The following SCUBE1 variants were observed in gnomAD, a reference collection of about 807,000 sequenced individuals.
The protein encoded by SCUBE1 is signal peptide, CUB and EGF-like domain-containing protein 1.
Under a neutral mutation model 124.4 loss-of-function variants are expected in SCUBE1, and 59 were observed. That is an observed-to-expected ratio of 0.47 (90% confidence interval 0.38 to 0.59). SCUBE1 has a LOEUF of 0.59. Ranked by LOEUF, SCUBE1 falls within the 20% of genes least tolerant of loss-of-function variation. SCUBE1 has a pLI of 0.00. For missense variants in SCUBE1, 1,150 were observed against 1,371.2 expected (o/e 0.84, Z 2.55); for synonymous variants, 545 against 550.9 (o/e 0.99, Z 0.15).
chr22:43,230,530 G>T (rs1431579758), intron 8 of SCUBE1, among the ~76,000 whole-genome samples: 1 of 152,208 alleles, frequency 6.6e-6, no homozygotes, highest in African/African-American at 2.4e-5. Flanking sequence ...CCTCTTTCAG[G>T]GGGCAGCTGG....
rs1305637153 is a variant in SCUBE1, at chr22:43,258,953, G to A, written c.611-618C>T. Among the ~76,000 whole-genome samples the A allele has an allele frequency of 1.3e-5, 2 of 152,186 alleles. No homozygotes were observed. The highest frequency in any genetic ancestry group is 2.9e-5 in the Non-Finnish European group (2 of 68,026). On this transcript the variant is annotated intron_variant, in intron 5 of 21. Transcript: ENST00000360835. This position sits in a 1 kb window ranked among gnomAD's most constrained non-coding sequence, Gnocchi z 5.0. ...AGACTCATGCAAGTTAATGTCATCTGAGGTACGGTTTTGAAAATCACCTAA... is the reference window on the plus strand; with the variant it reads ...AGACTCATGCAAGTTAATGTCATCTAAGGTACGGTTTTGAAAATCACCTAA...
intron 2 of SCUBE1, among the ~76,000 whole-genome samples, chr22:43,321,100 T>C (rs543882617): frequency 1.3e-5 from 2 of 152,260 alleles, no homozygotes; most frequent in East Asian, 1.9e-4. Flanking sequence ...ACAGGGGAAC[T>C]GGAACCGGAA....
chr22:43,296,934 C>T (rs1925583754), intron 3 of SCUBE1, among the ~76,000 whole-genome samples: 1 of 152,218 alleles, frequency 6.6e-6, no homozygotes, highest in South Asian at 2.1e-4. Context: ...TTGAAGGCTG[C>T]TCCCCGTGAG....
chr22:43,257,145 G>GA, intron 6 of SCUBE1, among the ~76,000 whole-genome samples: 1 of 152,388 alleles, frequency 6.6e-6, no homozygotes. Flanking sequence ...GTGACAGCCT[G>GA]GTGCCCGCTC....
intron 1 of SCUBE1, among the ~76,000 whole-genome samples, chr22:43,341,810 G>A (rs906739491): frequency 8.5e-5 from 13 of 152,136 alleles, no homozygotes; most frequent in African/African-American, 2.9e-4. Flanking sequence ...GGGACATGCT[G>A]CTGGGGTTTC....
chr22:43,217,328 G>C (rs6003110), intron 15 of SCUBE1, among the ~76,000 whole-genome samples: 110,714 of 146,728 alleles, frequency 0.75, 42,609 homozygotes, highest in African/African-American at 0.92. Context: ...CCCCATCCCC[G>C]CAGCCCACTC....
chr22:43,321,194 A>G (rs1373484433), intron 2 of SCUBE1, among the ~76,000 whole-genome samples: 2 of 152,214 alleles, frequency 1.3e-5, no homozygotes, highest in African/African-American at 4.8e-5. Flanking sequence ...CCTATAGTGT[A>G]GAAGAGGGAT....
chr22:43,227,544 G>A lies in SCUBE1; in HGVS notation c.1085-48C>T, dbSNP rs201632764. The A allele has an allele frequency of 5.9e-4, 934 of 1,591,884 alleles. 1 individual carries two copies. The highest frequency in any genetic ancestry group is 1.7e-3 in the Middle Eastern group (10 of 6,008). ...GGCAGAGGGGAGGCTGGCGGCTGGC[G>A]GCTGGCAGGGGAAGGGACCACCCAG... On this transcript the variant is annotated intron_variant, in intron 9 of 21. Transcript: ENST00000360835.
At position 43,197,978 on chromosome 22, in the gene SCUBE1, A is replaced by T. The variant is rs1220696829; in HGVS notation, c.*6019T>A. On this transcript the variant is annotated 3_prime_UTR_variant, in exon 22 of 22. Transcript: ENST00000360835. ...CAATCTGTAAGCTTCAGATTGATCA[A>T]CGTTTTAGAGACATTTCCTACCCTT... is the stretch of plus-strand genomic sequence containing the variant. 3 of 152,836 alleles carry T rather than the reference A, an allele frequency of 2.0e-5. No individual in the cohort carries two copies. Among genetic ancestry groups the T allele is most frequent in the Non-Finnish European group, 4.4e-5 (3 of 68,612 alleles). 9.5% of individuals were successfully genotyped at this position (152,836 alleles called of 1,614,324 possible).
chr22:43,293,884 C>T (rs1023927921), intron 3 of SCUBE1, among the ~76,000 whole-genome samples: 3 of 152,202 alleles, frequency 2.0e-5, no homozygotes, highest in African/African-American at 7.2e-5. Context: ...GAGGAAGCTC[C>T]CTGGCGCCGC....
chr22:43,268,200 T>C (rs966914429), intron 4 of SCUBE1, among the ~76,000 whole-genome samples: 2 of 152,366 alleles, frequency 1.3e-5, no homozygotes, highest in Middle Eastern at 3.4e-3. Context: ...AGCAGGCTTC[T>C]GTGAGCCTGA....
chr22:43,226,800 G>A (rs982118679), intron 10 of SCUBE1, among the ~76,000 whole-genome samples: 1 of 152,100 alleles, frequency 6.6e-6, no homozygotes, highest in Non-Finnish European at 1.5e-5. Context: ...CCCATGTACA[G>A]GGAACCAGGG....
intron 2 of SCUBE1, among the ~76,000 whole-genome samples, chr22:43,331,858 C>T (rs1011832445): frequency 4.6e-5 from 7 of 152,054 alleles, no homozygotes; most frequent in Non-Finnish European, 8.8e-5. Flanking sequence ...CCCCAGGGGC[C>T]GGATGAGCCG....
At chr22:43,217,800 G>A (rs993590231) in intron 15 of SCUBE1, among the ~76,000 whole-genome samples, 1 of 152,002 alleles carries the variant, frequency 6.6e-6, no homozygotes, top group East Asian at 1.9e-4. Flanking sequence ...CTGCTTCCCT[G>A]CAGCACGACG....
chr22:43,280,798 CCCTGTCACCTCCCTCAGCCATCCT>C (rs1381367932), intron 4 of SCUBE1, among the ~76,000 whole-genome samples: 8 of 126,006 alleles, frequency 6.3e-5, no homozygotes, highest in Non-Finnish European at 6.6e-5. Flanking sequence ...TCCTCAGCTA[CCCTGTCACCTCCCTCAGCCATCCT>C]CCTGTCACCT....
intron 3 of SCUBE1, among the ~76,000 whole-genome samples, chr22:43,301,014 T>G (rs1009102919): frequency 2.6e-5 from 4 of 152,148 alleles, no homozygotes; most frequent in African/African-American, 9.7e-5. Context: ...CAAAGCTCAG[T>G]CTGCCCTCAG....
chr22:43,336,988 T>C (rs1032678548), intron 2 of SCUBE1, among the ~76,000 whole-genome samples: 1 of 152,074 alleles, frequency 6.6e-6, no homozygotes, highest in Non-Finnish European at 1.5e-5. Context: ...TGTGTGTGCA[T>C]GCATGTGCCA....
intron 3 of SCUBE1, among the ~76,000 whole-genome samples, chr22:43,301,140 T>C (rs1296227966): frequency 6.6e-6 from 1 of 152,204 alleles, no homozygotes; most frequent in Non-Finnish European, 1.5e-5. Context: ...GGTCCAGTCC[T>C]TTCAATTCTG....
chr22:43,212,803 G>C (rs1044409572), intron 16 of SCUBE1: 1 of 579,968 alleles, frequency 1.7e-6, no homozygotes, highest in Non-Finnish European at 3.0e-6. Flanking sequence ...GTTCATGTGC[G>C]GCCTTGGTCA....
Sources: allele counts gnomAD v4.1 joint callset (sites outside exome capture counted in the v4.1 genomes callset), GRCh38; gene constraint gnomAD v4.1.1; non-coding constraint Gnocchi (gnomAD v3.1); transcripts MANE v1.5; gene names NCBI Gene and HGNC (gene_info 2026-07-23, HGNC 2026-07-21).